Variants in ABCA12 observed in about 807,000 individuals in gnomAD.
ABCA12 encodes the protein glucosylceramide transporter ABCA12.
Under a neutral mutation model 293.5 loss-of-function variants are expected in ABCA12, and 156 were observed. That is an observed-to-expected ratio of 0.53 (90% CI 0.47 to 0.61). ABCA12 has a LOEUF of 0.61. ABCA12 is among the 20% of genes least tolerant of loss of function. The pLI is 0.00. For synonymous variants in ABCA12, 1,063 were observed against 1,108.0 expected (o/e 0.96, Z 0.81); for missense variants, 2,797 against 3,090.2 (o/e 0.91, Z 2.25).
intron 2 of ABCA12, among the ~76,000 whole-genome samples, chr2:215,067,078 A>AT (rs1381157815): frequency 6.6e-6 from 1 of 152,034 alleles, no homozygotes; most frequent in African/African-American, 2.4e-5. Flanking sequence ...AAAAAATGAT[A>AT]TTTTTTCCAT....
chr2:215,099,120 C>A (rs1272741123), intron 2 of ABCA12, among the ~76,000 whole-genome samples: 1 of 152,168 alleles, frequency 6.6e-6, no homozygotes, highest in South Asian at 2.1e-4. Context: ...AAGGGCAGGA[C>A]AGAAAAAGGA....
At chr2:215,101,018 A>T (rs1559194669) in intron 2 of ABCA12, among the ~76,000 whole-genome samples, 2 of 152,116 alleles carry the variant, frequency 1.3e-5, no homozygotes, top group Non-Finnish European at 2.9e-5. Context: ...CTCTGAGAGG[A>T]GGTTTGCTCC....
chr2:215,034,166 A>G (rs550769141), intron 8 of ABCA12, among the ~76,000 whole-genome samples: 27 of 152,286 alleles, frequency 1.8e-4, no homozygotes, highest in African/African-American at 6.5e-4. Context: ...CCCAAAACTC[A>G]GTATTTATAA....
intron 39 of ABCA12, chr2:214,960,283 GC>G (rs1325369143): frequency 2.0e-5 from 3 of 152,024 alleles, no homozygotes; most frequent in Non-Finnish European, 2.9e-5. Context: ...AAATTAAGGG[GC>G]CCTTTTTAAC....
intron 43 of ABCA12, 95 bp from the exon 44 acceptor site, chr2:214,954,202 C>A: frequency 7.4e-7 from 1 of 1,350,632 alleles, no homozygotes; most frequent in Non-Finnish European, 1.0e-6. Context: ...ATAGTGAAAC[C>A]TAAAAAGCTT....
intron 23 of ABCA12, among the ~76,000 whole-genome samples, chr2:214,992,261 T>C (rs1234997720): frequency 6.6e-6 from 1 of 151,486 alleles, no homozygotes; most frequent in Non-Finnish European, 1.5e-5. Flanking sequence ...GCTAACACAA[T>C]GAAACCCCGT....
At position 215,001,650 on chromosome 2, in the gene ABCA12, C is replaced by T; in HGVS notation, c.2771G>A (p.Cys924Tyr). The change falls in exon 21 of 53, where the codon TGT becomes TAT. Residue 924 changes from cysteine to tyrosine, a missense_variant. By Grantham distance (194) the Cys-to-Tyr change is radical. Around this residue, in one of 3 missense-constraint regions of ABCA12, gnomAD observed 2,130 missense variants for 2,427.0 expected, o/e 0.88. Transcript: ENST00000272895. The part of the protein sequence containing the change: ...LSSLTVNISS[C>Y]VLYDRIQAAK... ...TGCCTGAATACGGTCATATAATACACAAGAGGAAATATTTACTGTCAGGGA... is the reference window on the plus strand; with the variant it reads ...TGCCTGAATACGGTCATATAATACATAAGAGGAAATATTTACTGTCAGGGA... The T allele has an allele frequency of 6.2e-7, 1 of 1,613,702 alleles. No homozygotes were observed. The highest frequency in any genetic ancestry group is 1.1e-5 in the South Asian group (1 of 91,070).
At position 215,098,157 on chromosome 2, in the gene ABCA12, C is replaced by T. The variant is rs188746041; in HGVS notation, c.163+13440G>A. Reference sequence around the variant, plus strand: ...AGGTATGCCATGTGGCATCCTAATTCATTTGTTTCTCTTTGCGGTTTAAAT... The same window carrying T: ...AGGTATGCCATGTGGCATCCTAATTTATTTGTTTCTCTTTGCGGTTTAAAT... On this transcript the variant is annotated intron_variant, in intron 2 of 52. Coordinates refer to ENST00000272895, the MANE Select transcript of ABCA12 (RefSeq NM_173076.3). Among the ~76,000 whole-genome samples the T allele has an allele frequency of 4.9e-4, 74 of 152,236 alleles. No homozygotes were observed. In the East Asian group the frequency reaches 0.011, roughly 23 times the overall value.
intron 2 of ABCA12, among the ~76,000 whole-genome samples, chr2:215,092,233 G>A (rs191726393): frequency 7.0e-4 from 106 of 152,226 alleles, no homozygotes; most frequent in South Asian, 1.7e-3. Flanking sequence ...ACTGTTGTGG[G>A]TATTGATGGC....
chr2:214,987,893 T>C, intron 26 of ABCA12, 100 bp from the exon 27 acceptor site: 2 of 1,464,092 alleles, frequency 1.4e-6, no homozygotes, highest in Non-Finnish European at 1.9e-6. Flanking sequence ...TAGGAAGTAG[T>C]TTTATTTTTT....
intron 28 of ABCA12, among the ~76,000 whole-genome samples, chr2:214,984,629 T>C (rs1238319929): frequency 6.6e-6 from 1 of 152,158 alleles, no homozygotes; most frequent in Non-Finnish European, 1.5e-5. Context: ...TCATGATCTT[T>C]ACCCTAAAAG....
intron 1 of ABCA12, among the ~76,000 whole-genome samples, chr2:215,119,734 T>TAAAAA (rs386654995): frequency 1.1e-3 from 81 of 75,590 alleles, no homozygotes; most frequent in African/African-American, 2.9e-3. Context: ...CATTAAAAAG[T>TAAAAA]AAAAAAAAAA....
In ABCA12 at chr2:214,953,349, T is replaced by C. The variant is rs1698837898; in HGVS notation, c.6647+505A>G. On this transcript the variant is annotated intron_variant, in intron 44 of 52. Coordinates refer to ENST00000272895, the MANE Select transcript of ABCA12 (RefSeq NM_173076.3). ...AAACATACATAAGTAAGTCTGTGTA[T>C]CTGTGACCATATATGCAAACATTCC... Among the ~76,000 whole-genome samples the C allele has an allele frequency of 1.3e-5, 2 of 152,216 alleles. 1 individual carries two copies. Among genetic ancestry groups the C allele is most frequent in the South Asian group, 4.1e-4 (2 of 4,834 alleles).
At chr2:215,032,240 T>C (rs1156887519) in intron 8 of ABCA12, 5 of 518,342 alleles carry the variant, frequency 9.6e-6, no homozygotes, top group Non-Finnish European at 1.3e-5. Flanking sequence ...TACCACGTGA[T>C]TTGTTAATCA....
chr2:215,032,992 A>G (rs1319581603), intron 8 of ABCA12, among the ~76,000 whole-genome samples: 1 of 152,196 alleles, frequency 6.6e-6, no homozygotes, highest in Non-Finnish European at 1.5e-5. Flanking sequence ...CCAGAATTAA[A>G]AATCTCCTTG....
At chr2:215,037,641 C>T (rs1314595997) in intron 7 of ABCA12, among the ~76,000 whole-genome samples, 2 of 152,146 alleles carry the variant, frequency 1.3e-5, no homozygotes, top group Non-Finnish European at 2.9e-5. Flanking sequence ...AATATCCATA[C>T]TCTGTTTCTA....
chr2:215,049,156 A>G (rs1270788748), intron 6 of ABCA12, among the ~76,000 whole-genome samples: 1 of 152,204 alleles, frequency 6.6e-6, no homozygotes, highest in Non-Finnish European at 1.5e-5. Flanking sequence ...TGAACCTAAA[A>G]TAAAAGTTTT....
In ABCA12 at chr2:214,966,870, T is replaced by C; in HGVS notation, c.5862A>G (p.Ser1954=). 6.2e-7 allele frequency: 1 copy of C among 1,613,850 alleles called. No individual in the cohort carries two copies. The highest frequency in any genetic ancestry group is 8.5e-7 in the Non-Finnish European group (1 of 1,179,796). Residue 1954 remains serine (S), a synonymous_variant, in exon 39 of 53, where the codon TCA becomes TCG. Transcript: ENST00000272895. The part of the protein sequence containing the change: ...LNNFLLRVNM[S]KYDAARHGII... Reference sequence around the variant, plus strand: ...TACCATGTCGGGCAGCATCGTATTTTGACATGTTAACTCGCAGAAGGAAAT... The same window carrying C: ...TACCATGTCGGGCAGCATCGTATTTCGACATGTTAACTCGCAGAAGGAAAT...
chr2:214,937,114 A>G (rs1306943386), intron 51 of ABCA12, among the ~76,000 whole-genome samples: 2 of 152,234 alleles, frequency 1.3e-5, no homozygotes, highest in Non-Finnish European at 2.9e-5. Flanking sequence ...GGAAATCACA[A>G]ATGTCGCTAT....
Sources: allele counts gnomAD v4.1 joint callset (sites outside exome capture counted in the v4.1 genomes callset), GRCh38; gene constraint gnomAD v4.1.1; regional missense constraint gnomAD v4.1.1; transcripts MANE v1.5; gene names NCBI Gene and HGNC (gene_info 2026-07-23, HGNC 2026-07-21).